Variants in NFX1 observed in about 807,000 individuals in gnomAD.
The protein encoded by NFX1 is nuclear transcription factor, X-box binding 1.
In NFX1, 69 loss-of-function variants were observed where a neutral mutation model predicts 137.2. The ratio of observed to expected loss-of-function variants is 0.50; its 90% CI spans 0.41 to 0.61. The LOEUF is 0.61. NFX1 is among the 20% of genes least tolerant of loss of function. The pLI, the probability that NFX1 is intolerant of heterozygous loss-of-function variation, is 0.00. For synonymous variants in NFX1, 495 were observed against 474.1 expected (o/e 1.04, Z -0.57); for missense variants, 1,167 against 1,391.0 (o/e 0.84, Z 2.56).
chr9:33,323,987 A>G (rs1804841854), intron 9 of NFX1, among the ~76,000 whole-genome samples: 1 of 152,132 alleles, frequency 6.6e-6, no homozygotes. Context: ...TTATGCCTGA[A>G]TCTCAGTGCT....
At chr9:33,293,848 T>C (rs1221079033) in intron 1 of NFX1, among the ~76,000 whole-genome samples, 1 of 152,232 alleles carries the variant, frequency 6.6e-6, no homozygotes, top group Non-Finnish European at 1.5e-5. Flanking sequence ...AATACACTTA[T>C]TAAGTACTAT....
At chr9:33,317,973 CAAAAAAA>C (rs5897542) in intron 7 of NFX1, among the ~76,000 whole-genome samples, 5 of 44,388 alleles carry the variant, frequency 1.1e-4, no homozygotes, top group East Asian at 8.4e-4. Context: ...GACTCTGTCT[CAAAAAAA>C]AAAAAAAAAA....
Position 33,348,622 on chromosome 9 carries a change from G to T in NFX1, c.2424+1505G>T. 2 of 323,276 alleles carry T rather than the reference G, an allele frequency of 6.2e-6. 1 individual carries two copies. Among genetic ancestry groups the T allele is most frequent in the Middle Eastern group, 3.1e-3 (2 of 650 alleles). 20.0% of individuals were successfully genotyped at this position (323,276 alleles called of 1,614,324 possible). A position where few individuals can be genotyped will look rare whatever the true frequency, so the allele number is the denominator to read the frequency against. The stretch of plus-strand genomic sequence containing the variant: ...GACACGAAATGAGCATGTGCTGTTG[G>T]AAAAGTGGAACAGATAGACTTGCTG... On this transcript the variant is annotated intron_variant, in intron 15 of 23. Coordinates refer to ENST00000379540, the MANE Select transcript of NFX1 (RefSeq NM_002504.6).
Position 33,364,716 on chromosome 9 carries a change from TAA to T in NFX1, c.2983_2984del (p.Lys995ValfsTer4). On this transcript the variant is annotated frameshift_variant, in exon 21 of 24. Transcript: ENST00000379540. LOFTEE classifies it high-confidence loss of function. Reference sequence around the variant, plus strand: ...GTGATTTCTCATTTCAGGAAGGACTTAAAGTTTGTCAGTGACGTTGAGAAGGA... The same window carrying T: ...GTGATTTCTCATTTCAGGAAGGACTTAGTTTGTCAGTGACGTTGAGAAGGA... 4 of 1,613,522 alleles carry T rather than the reference TAA, an allele frequency of 2.5e-6. No homozygotes were observed. The highest frequency in any genetic ancestry group is 3.4e-6 in the Non-Finnish European group (4 of 1,179,786).
intron 9 of NFX1, among the ~76,000 whole-genome samples, chr9:33,327,769 A>G (rs544488688): frequency 1.3e-5 from 2 of 152,330 alleles, no homozygotes; most frequent in African/African-American, 4.8e-5. Flanking sequence ...GGTGATCCCC[A>G]TAGGGTCCTG....
rs146278102 is a variant in NFX1, at chr9:33,353,923, C to T, written c.2730-163C>T. ...CAGGCTGGTCATGAACTCCTGACCT[C>T]AGGTGATCCACCTGCCTTGGTTTCC... On this transcript the variant is annotated intron_variant, in intron 17 of 23. Coordinates refer to ENST00000379540, the MANE Select transcript of NFX1 (RefSeq NM_002504.6). Among the ~76,000 whole-genome samples the T allele has an allele frequency of 3.0e-3, 462 of 152,262 alleles. 8 individuals carry two copies. In the East Asian group the frequency reaches 0.036, roughly 12 times the overall value.
chr9:33,301,943 G>A (rs542980425), intron 3 of NFX1, among the ~76,000 whole-genome samples: 5 of 152,230 alleles, frequency 3.3e-5, no homozygotes, highest in African/African-American at 9.6e-5. Context: ...GTGGTGGCGG[G>A]CACCTGTAAT....
chr9:33,368,741 C>T (rs1409293195), intron 23 of NFX1, among the ~76,000 whole-genome samples: 2 of 152,210 alleles, frequency 1.3e-5, no homozygotes, highest in South Asian at 2.1e-4. Flanking sequence ...CTGCACAAAA[C>T]CTCTGAAGGG....
At chr9:33,307,163 A>G (rs1821782318) in intron 4 of NFX1, 31 bp from the exon 5 acceptor site, 1 of 1,569,302 alleles carries the variant, frequency 6.4e-7, no homozygotes, top group Admixed American at 1.7e-5. Context: ...TGAAGTTTGT[A>G]CCATTGACTC....
intron 11 of NFX1, among the ~76,000 whole-genome samples, chr9:33,335,856 T>A (rs538000967): frequency 1.8e-4 from 28 of 152,374 alleles, no homozygotes; most frequent in African/African-American, 6.7e-4. Context: ...TATCATACTG[T>A]AGTATATATC....
At chr9:33,322,288 C>T (rs1466948029) in intron 9 of NFX1, among the ~76,000 whole-genome samples, 1 of 151,980 alleles carries the variant, frequency 6.6e-6, no homozygotes, top group Admixed American at 6.6e-5. Context: ...TTCTAAAACT[C>T]TGGTAAACAA....
intron 23 of NFX1, among the ~76,000 whole-genome samples, chr9:33,369,532 C>T (rs1052574455): frequency 6.6e-6 from 1 of 152,196 alleles, no homozygotes; most frequent in African/African-American, 2.4e-5. Flanking sequence ...CAAAACTTCA[C>T]AAGTGAGATG....
At chr9:33,353,847 C>A (rs906787155) in intron 17 of NFX1, among the ~76,000 whole-genome samples, 22 of 152,006 alleles carry the variant, frequency 1.4e-4, no homozygotes, top group African/African-American at 5.1e-4. Context: ...TGCTACCATG[C>A]CTGGCTAATT....
intron 11 of NFX1, among the ~76,000 whole-genome samples, chr9:33,335,227 C>CTTT (rs57459026): frequency 4.6e-5 from 6 of 130,520 alleles, no homozygotes; most frequent in South Asian, 2.3e-4. Context: ...CTTTCTTTTT[C>CTTT]TTTTTTTTTT....
intron 19 of NFX1, among the ~76,000 whole-genome samples, chr9:33,356,864 AC>A (rs1281042209): frequency 2.6e-5 from 4 of 151,836 alleles, no homozygotes; most frequent in Non-Finnish European, 5.9e-5. Flanking sequence ...GGTGGTGCAC[AC>A]CTGTAGTCCC....
chr9:33,358,217 C>T (rs1049335053), intron 19 of NFX1, among the ~76,000 whole-genome samples: 2 of 149,832 alleles, frequency 1.3e-5, no homozygotes, highest in Non-Finnish European at 3.0e-5. Context: ...CTCCACCTCC[C>T]GGGTTCACGC....
intron 12 of NFX1, among the ~76,000 whole-genome samples, chr9:33,338,999 A>C (rs1823117802): frequency 6.6e-6 from 1 of 152,198 alleles, no homozygotes; most frequent in South Asian, 2.1e-4. Context: ...AATTATTAGG[A>C]CATTTTTTAA....
chr9:33,338,198 TACAA>T (rs1368469545), intron 11 of NFX1, among the ~76,000 whole-genome samples: 1 of 151,448 alleles, frequency 6.6e-6, no homozygotes, highest in Non-Finnish European at 1.5e-5. Context: ...CTACTAAAAA[TACAA>T]AAATTAGCTG....
At chr9:33,313,983 A>G (rs1212088430) in intron 7 of NFX1, among the ~76,000 whole-genome samples, 190 bp downstream of exon 7, 1 of 151,998 alleles carries the variant, frequency 6.6e-6, no homozygotes, top group Admixed American at 6.6e-5. Flanking sequence ...ATTGTCCTAT[A>G]TAATTTTTTT....
Sources: gnomAD v4.1 joint callset for allele counts (sites outside exome capture counted in the v4.1 genomes callset) on GRCh38, gnomAD v4.1.1 for gene constraint, MANE v1.5 for transcripts, NCBI Gene and HGNC (gene_info 2026-07-23, HGNC 2026-07-21) for gene names.